Variants in AGMO observed in about 807,000 individuals in gnomAD.
AGMO encodes alkylglycerol monooxygenase.
A neutral mutation model predicts 60.2 loss-of-function variants in AGMO; 75 were observed. The ratio of observed to expected loss-of-function variants is 1.25; its 90% confidence interval spans 1.03 to 1.51. AGMO has a LOEUF of 1.51. AGMO is among the 40% of genes most tolerant of loss of function. The pLI, the probability that AGMO is intolerant of heterozygous loss-of-function variation, is 0.00. For missense variants in AGMO, 763 were observed against 525.5 expected, an observed-to-expected ratio of 1.45 and a Z score of -4.42; for synonymous variants, 261 against 177.1, an observed-to-expected ratio of 1.47 and a Z score of -3.76.
At position 15,201,382 on chromosome 7, in the gene AGMO, G is replaced by GA. The variant is rs199670434; in HGVS notation, c.1264-24dup. 2,008 of 1,543,892 alleles carry GA rather than the reference G, an allele frequency of 1.3e-3. 6 individuals are homozygous for GA. In the African/African-American group the frequency reaches 0.013, roughly 10 times the overall value. On this transcript the variant is annotated intron_variant, in intron 12 of 12. Coordinates refer to ENST00000342526, the MANE Select transcript of AGMO (RefSeq NM_001004320.2). ...AATCTGAAGAAATAAAACACAAAGA[G>GA]AAAAAAAAATTAGAAGTGAATCAAT...
chr7:15,381,505 T>C (rs1451013291), intron 10 of AGMO, among the ~76,000 whole-genome samples: 2 of 152,068 alleles, frequency 1.3e-5, no homozygotes, highest in Non-Finnish European at 2.9e-5. Context: ...AGACTGGGTA[T>C]TATTAAAAAC....
chr7:15,355,286 A>G (rs972560739), intron 12 of AGMO, among the ~76,000 whole-genome samples: 2 of 152,062 alleles, frequency 1.3e-5, no homozygotes, highest in African/African-American at 4.8e-5. Context: ...GCGGATCACA[A>G]GGTCAGGAGA....
At chr7:15,555,148 T>A (rs958718800) in intron 2 of AGMO, among the ~76,000 whole-genome samples, 3 of 151,522 alleles carry the variant, frequency 2.0e-5, no homozygotes, top group African/African-American at 4.8e-5. Flanking sequence ...TAAAAAAAAA[T>A]TAGATATTTT....
chr7:15,262,503 C>T (rs7357101), intron 12 of AGMO, among the ~76,000 whole-genome samples: 107,548 of 151,804 alleles, frequency 0.71, 38,781 homozygotes, highest in African/African-American at 0.86. Flanking sequence ...CCCATGCTCA[C>T]GGGTAGAATC....
chr7:15,426,366 A>T (rs1781060943), intron 4 of AGMO, among the ~76,000 whole-genome samples: 1 of 152,196 alleles, frequency 6.6e-6, no homozygotes, highest in African/African-American at 2.4e-5. Context: ...TTATAGGCCA[A>T]CATAAATAAC....
intron 12 of AGMO, among the ~76,000 whole-genome samples, chr7:15,320,055 T>C (rs527678841): frequency 5.5e-4 from 84 of 151,678 alleles, no homozygotes; most frequent in African/African-American, 1.3e-3. Flanking sequence ...TAGGTGGGAA[T>C]TGAACAATGA....
At chr7:15,302,365 T>C (rs1780470565) in intron 12 of AGMO, among the ~76,000 whole-genome samples, 1 of 152,158 alleles carries the variant, frequency 6.6e-6, no homozygotes, top group Non-Finnish European at 1.5e-5. Context: ...AAAAATTATA[T>C]TGGTTATGGA....
At chr7:15,520,029 A>AG in intron 3 of AGMO, among the ~76,000 whole-genome samples, 1 of 151,954 alleles carries the variant, frequency 6.6e-6, no homozygotes, top group African/African-American at 2.4e-5. Context: ...AAGAAAAGAA[A>AG]AATGCAGGGG....
intron 12 of AGMO, among the ~76,000 whole-genome samples, chr7:15,345,583 G>C (rs1200527517): frequency 6.6e-6 from 1 of 152,162 alleles, no homozygotes; most frequent in Non-Finnish European, 1.5e-5. Flanking sequence ...GATTCTTAAA[G>C]ACTGGGAAAA....
intron 12 of AGMO, among the ~76,000 whole-genome samples, chr7:15,279,572 C>T (rs903196191): frequency 3.3e-5 from 5 of 152,046 alleles, no homozygotes; most frequent in Non-Finnish European, 7.4e-5. Flanking sequence ...CATGCCCCTC[C>T]AACTTGGAAA....
intron 5 of AGMO, among the ~76,000 whole-genome samples, chr7:15,409,823 C>A (rs533142835): frequency 3.3e-5 from 5 of 151,852 alleles, no homozygotes; most frequent in African/African-American, 1.2e-4. Flanking sequence ...AGTCTGACTA[C>A]TTTGTACAAA....
chr7:15,496,669 G>A (rs144991378), intron 3 of AGMO, among the ~76,000 whole-genome samples: 7 of 152,016 alleles, frequency 4.6e-5, no homozygotes, highest in African/African-American at 1.7e-4. Flanking sequence ...GCGAGTGGGT[G>A]GTTATGTGAG....
At chr7:15,428,287 G>A (rs945103507) in intron 4 of AGMO, among the ~76,000 whole-genome samples, 2 of 152,068 alleles carry the variant, frequency 1.3e-5, no homozygotes, top group Non-Finnish European at 2.9e-5. Flanking sequence ...ACCTAGAAAT[G>A]CTAGGTAAGA....
chr7:15,244,852 C>A (rs1782695612), intron 12 of AGMO, among the ~76,000 whole-genome samples: 1 of 152,090 alleles, frequency 6.6e-6, no homozygotes, highest in African/African-American at 2.4e-5. Context: ...CAGCGTTTCA[C>A]CATGTTACTC....
At chr7:15,205,618 A>C (rs2115470040) in intron 12 of AGMO, among the ~76,000 whole-genome samples, 1 of 152,302 alleles carries the variant, frequency 6.6e-6, no homozygotes, top group Admixed American at 6.5e-5. Flanking sequence ...TTGTAAAGGA[A>C]GAAATTTGAG....
chr7:15,201,244 G>T lies in AGMO; in HGVS notation c.*41C>A. 1.4e-6 allele frequency: 2 copies of T among 1,391,558 alleles called. No homozygotes were observed. The highest frequency in any genetic ancestry group is 2.0e-6 in the Non-Finnish European group (2 of 992,648). 86.2% of individuals were successfully genotyped at this position (1,391,558 alleles called of 1,614,324 possible). Reference sequence around the variant, plus strand: ...TAATATGCAGTCATAATATGCGTGTGGACAACTCATTAAAAGAAGAGAATT... The same window carrying T: ...TAATATGCAGTCATAATATGCGTGTTGACAACTCATTAAAAGAAGAGAATT... On this transcript the variant is annotated 3_prime_UTR_variant, in exon 13 of 13. Coordinates refer to ENST00000342526, the MANE Select transcript of AGMO (RefSeq NM_001004320.2).
At chr7:15,497,183 T>C (rs374082770) in intron 3 of AGMO, among the ~76,000 whole-genome samples, 4 of 152,246 alleles carry the variant, frequency 2.6e-5, no homozygotes, top group African/African-American at 9.6e-5. Context: ...TTGACACATT[T>C]AGTTCTCACA....
chr7:15,381,260 A>T (rs1013929611), intron 10 of AGMO, among the ~76,000 whole-genome samples: 1 of 152,216 alleles, frequency 6.6e-6, no homozygotes, highest in Non-Finnish European at 1.5e-5. Flanking sequence ...GAATGGGAGA[A>T]AAGTTTTGCA....
chr7:15,435,096 GTTTTGT>G (rs1238862727), intron 3 of AGMO, among the ~76,000 whole-genome samples: 3 of 151,654 alleles, frequency 2.0e-5, no homozygotes, highest in Admixed American at 1.3e-4. Context: ...TCACAGTTTT[GTTTTGT>G]TTTTATCTAT....
Sources: allele counts gnomAD v4.1 joint callset (sites outside exome capture counted in the v4.1 genomes callset), GRCh38; gene constraint gnomAD v4.1.1; transcripts MANE v1.5; gene names NCBI Gene and HGNC (gene_info 2026-07-23, HGNC 2026-07-21).